Variants in CLHC1 observed in about 807,000 individuals in gnomAD.
The protein encoded by CLHC1 is clathrin heavy chain linker domain containing 1.
CLHC1 carries 72 observed loss-of-function variants against 69.5 expected under a neutral mutation model. The ratio of observed to expected loss-of-function variants is 1.04; its 90% CI spans 0.86 to 1.26. The LOEUF is 1.26. CLHC1 is among the 50% of genes most tolerant of loss of function. CLHC1 has a pLI of 0.00. For missense variants in CLHC1, 790 were observed against 679.3 expected, an observed-to-expected ratio of 1.16 and a Z score of -1.81; for synonymous variants, 223 against 224.3, an observed-to-expected ratio of 0.99 and a Z score of 0.05.
At chr2:55,180,064 G>C (rs941134922) in intron 11 of CLHC1, among the ~76,000 whole-genome samples, 3 of 151,970 alleles carry the variant, frequency 2.0e-5, no homozygotes, top group Non-Finnish European at 2.9e-5. Context: ...TGAGGCAGGA[G>C]AATGGTGTGA....
intron 9 of CLHC1, among the ~76,000 whole-genome samples, chr2:55,200,457 G>T (rs1211693989): frequency 6.6e-6 from 1 of 151,862 alleles, no homozygotes; most frequent in Non-Finnish European, 1.5e-5. Flanking sequence ...ATGATAAAGG[G>T]GTCAATTCAA....
chr2:55,224,374 C>T (rs1674487137), intron 2 of CLHC1: 1 of 440,908 alleles, frequency 2.3e-6, no homozygotes, highest in Non-Finnish European at 4.6e-6. Context: ...GCAGAAGCTC[C>T]CCCGACACCC....
At chr2:55,191,146 T>C (rs775016627) in intron 9 of CLHC1, among the ~76,000 whole-genome samples, 11 of 152,128 alleles carry the variant, frequency 7.2e-5, no homozygotes, top group Non-Finnish European at 1.2e-4. Context: ...GAAGGTAAAA[T>C]GTAGAATTTA....
At chr2:55,192,405 G>A (rs1671020149) in intron 9 of CLHC1, among the ~76,000 whole-genome samples, 1 of 152,066 alleles carries the variant, frequency 6.6e-6, no homozygotes, top group South Asian at 2.1e-4. Flanking sequence ...CAGGTGCACT[G>A]CTTCTGGCCT....
intron 9 of CLHC1, among the ~76,000 whole-genome samples, chr2:55,200,451 T>C (rs886672930): frequency 2.6e-5 from 4 of 152,086 alleles, no homozygotes; most frequent in Non-Finnish European, 5.9e-5. Flanking sequence ...TATATAATGA[T>C]AAAGGGGTCA....
chr2:55,210,914 A>G (rs920219096), intron 5 of CLHC1, among the ~76,000 whole-genome samples: 4 of 152,120 alleles, frequency 2.6e-5, no homozygotes, highest in African/African-American at 9.7e-5. Flanking sequence ...GGCTGGTCTC[A>G]AACTCCTGGA....
rs183092460 is a variant in CLHC1, at chr2:55,179,865, A to G, written c.1384+645T>C. Among the ~76,000 whole-genome samples the G allele has an allele frequency of 5.9e-5, 9 of 152,310 alleles. No homozygotes were observed. The East Asian group carries it at 1.2e-3, about 20-fold the overall frequency. ...CTTATATTACAGTTCAAAACATTAT[A>G]TATCACAGGCTGGGTGCGGTGGCTC... is the stretch of plus-strand genomic sequence containing the variant. On this transcript the variant is annotated intron_variant, in intron 11 of 12. Transcript: ENST00000401408.
At chr2:55,204,816 G>A (rs1353074969) in intron 9 of CLHC1, among the ~76,000 whole-genome samples, 1 of 152,154 alleles carries the variant, frequency 6.6e-6, no homozygotes, top group Non-Finnish European at 1.5e-5. Context: ...TATGTTAGGT[G>A]AAATAAGCCA....
rs1669206144 is a variant in CLHC1 at position 55,174,444 on chromosome 2, G to A, written c.*1346C>T. The stretch of plus-strand genomic sequence containing the variant: ...CAAATGAGTAGACATATGGGATTTA[G>A]TAAGTACAAACTAAGTAGAGAAATG... On this transcript the variant is annotated 3_prime_UTR_variant, in exon 13 of 13. Coordinates refer to ENST00000401408, the MANE Select transcript of CLHC1 (RefSeq NM_152385.4). Among the ~76,000 whole-genome samples the A allele has an allele frequency of 1.3e-5, 2 of 152,190 alleles. No homozygotes were observed. The highest frequency in any genetic ancestry group is 4.1e-4 in the South Asian group (2 of 4,830).
At position 55,209,425 on chromosome 2, in the gene CLHC1, G is replaced by T. The variant is rs1434958860; in HGVS notation, c.793C>A (p.Gln265Lys). 3 of 1,602,308 alleles carry T rather than the reference G, an allele frequency of 1.9e-6. No homozygotes were observed. Among genetic ancestry groups the T allele is most frequent in the Non-Finnish European group, 2.6e-6 (3 of 1,175,162 alleles). ...CTACCTTGTAAATATTTGGTTTTCTGAATTTGCTCCACAAAGTCTTGAAAT... is the reference window on the plus strand; with the variant it reads ...CTACCTTGTAAATATTTGGTTTTCTTAATTTGCTCCACAAAGTCTTGAAAT... The part of the protein sequence containing the change: ...SPFQDFVEQI[Q>K]KTKYLQGDQG... Residue 265 changes from glutamine (Q) to lysine (K), a missense_variant, in exon 7 of 13, where the codon CAG becomes AAG. Transcript: ENST00000401408.
At chr2:55,205,507 G>A (rs1672356888) in intron 9 of CLHC1, among the ~76,000 whole-genome samples, 2 of 152,034 alleles carry the variant, frequency 1.3e-5, no homozygotes, top group Admixed American at 6.6e-5. Context: ...AAATTAGGGC[G>A]AGAGAACTAG....
At chr2:55,214,043 T>G (rs1023934279) in intron 4 of CLHC1, among the ~76,000 whole-genome samples, 1 of 151,744 alleles carries the variant, frequency 6.6e-6, no homozygotes, top group Non-Finnish European at 1.5e-5. Context: ...GGATGGGGGG[T>G]TCTGGCTAAA....
At chr2:55,194,169 T>C (rs561256813) in intron 9 of CLHC1, among the ~76,000 whole-genome samples, 28 of 152,294 alleles carry the variant, frequency 1.8e-4, no homozygotes, top group African/African-American at 6.5e-4. Context: ...ATTTTTGTAA[T>C]GATGAAAATG....
chr2:55,181,485 T>C (rs891672690), intron 10 of CLHC1, 85 bp downstream of exon 10: 3 of 1,058,760 alleles, frequency 2.8e-6, no homozygotes, highest in African/African-American at 3.2e-5. Flanking sequence ...TCAAGTAACA[T>C]ATTGATAAAG....
At chr2:55,213,619 G>C (rs1471298999) in intron 4 of CLHC1, among the ~76,000 whole-genome samples, 2 of 152,104 alleles carry the variant, frequency 1.3e-5, no homozygotes. Context: ...AGTTTATCCA[G>C]AAATGAAAAT....
chr2:55,209,621 C>G lies in CLHC1; in HGVS notation c.701+9G>C. ...CCAAACTTTAAAAACATATAATCAA[C>G]TTCCATACCAAAACTGCAATTTTTT... On this transcript the variant is annotated intron_variant, in intron 6 of 12. Coordinates refer to ENST00000401408, the MANE Select transcript of CLHC1 (RefSeq NM_152385.4). 1 of 1,611,952 alleles carries G rather than the reference C, an allele frequency of 6.2e-7. No homozygotes were observed. Among genetic ancestry groups the G allele is most frequent in the Non-Finnish European group, 8.5e-7 (1 of 1,178,254 alleles).
chr2:55,201,795 TA>T (rs748656246), intron 9 of CLHC1, among the ~76,000 whole-genome samples: 3 of 151,906 alleles, frequency 2.0e-5, no homozygotes, highest in Non-Finnish European at 2.9e-5. Flanking sequence ...AATAACACAT[TA>T]AAAAAATCAT....
Position 55,209,748 on chromosome 2 carries a change from G to A in CLHC1, c.583C>T (p.Gln195Ter). ...GGCACATATTTTATCAACATAGCTT[G>A]TTTAATTTCTGCATATTTATCTTCA... ...HLEDKYAEIK[Q>*]AMLIKYVPAQ... is the part of the protein sequence containing the mutation. Residue 195 changes from glutamine (Q) to a stop codon, truncating the protein, a stop_gained, in exon 6 of 13, where the codon CAA (glutamine) becomes TAA (stop). Coordinates refer to ENST00000401408, the MANE Select transcript of CLHC1 (RefSeq NM_152385.4). LOFTEE classifies it high-confidence loss of function. The A allele has an allele frequency of 6.2e-7, 1 of 1,611,626 alleles. No homozygotes were observed.
rs760924898 is a variant in CLHC1 at position 55,181,728 on chromosome 2, T to C, written c.1023A>G (p.Arg341=). ...MNTFKAVGKI[R]GKPLPLLLFF... is the part of the protein sequence containing the mutation. ...ATAAGAGTAATGGAAGAGGCTTTCC[T>C]CTAATTTTTCCAACAGCTACAGAAA... Residue 341 remains arginine (R), a synonymous_variant, in exon 10 of 13, where the codon AGA becomes AGG. Transcript: ENST00000401408. 1.2e-5 allele frequency: 20 copies of C among 1,611,460 alleles called. No individual in the cohort carries two copies. The South Asian group carries it at 2.1e-4, about 17-fold the overall frequency.
Sources: allele counts gnomAD v4.1 joint callset (sites outside exome capture counted in the v4.1 genomes callset), GRCh38; gene constraint gnomAD v4.1.1; transcripts MANE v1.5; gene names NCBI Gene and HGNC (gene_info 2026-07-23, HGNC 2026-07-21).